Variants in EFCAB8 observed in about 807,000 individuals in gnomAD.
EFCAB8 encodes the protein EF-hand calcium binding domain 8, also known as EF-hand calcium-binding domain-containing protein 8.
A neutral mutation model predicts 116.3 loss-of-function variants in EFCAB8; 100 were observed. The ratio of observed to expected loss-of-function variants is 0.86; its 90% CI spans 0.73 to 1.02. The LOEUF (loss-of-function observed/expected upper bound fraction) is 1.02, where lower values mean the gene tolerates loss of function less well. Ranked by LOEUF, EFCAB8 falls within the 50% of genes least tolerant of loss-of-function variation. The pLI is 0.00. For missense variants in EFCAB8, 1,320 were observed against 1,416.9 expected (o/e 0.93, Z 1.10); for synonymous variants, 558 against 567.9 (o/e 0.98, Z 0.25).
chr20:32,953,508 T>G (rs1386184065), intron 23 of EFCAB8, among the ~76,000 whole-genome samples: 1 of 152,240 alleles, frequency 6.6e-6, no homozygotes, highest in Non-Finnish European at 1.5e-5. Context: ...TTTTTGTTTT[T>G]TTTGTTTGAA....
chr20:32,861,254 A>G (rs1156324273), intron 1 of EFCAB8, among the ~76,000 whole-genome samples: 1 of 152,098 alleles, frequency 6.6e-6, no homozygotes, highest in Non-Finnish European at 1.5e-5. Flanking sequence ...CATTTAAATT[A>G]CTACCCACCA....
chr20:32,896,248 C>T (rs1986149393), intron 9 of EFCAB8, among the ~76,000 whole-genome samples: 1 of 152,148 alleles, frequency 6.6e-6, no homozygotes, highest in African/African-American at 2.4e-5. Context: ...TGGGAGGCAG[C>T]AGTGATCTGC....
intron 20 of EFCAB8, among the ~76,000 whole-genome samples, chr20:32,921,747 A>G (rs1987468098): frequency 1.3e-5 from 2 of 149,182 alleles, no homozygotes; most frequent in South Asian, 4.2e-4. Flanking sequence ...ATGTCCTGCC[A>G]TATGCTTTTT....
chr20:32,909,827 A>C lies in EFCAB8; in HGVS notation c.1453A>C (p.Ile485Leu), dbSNP rs1022309552. 6 of 1,248,778 alleles carry C rather than the reference A, an allele frequency of 4.8e-6. No individual in the cohort carries two copies. In the African/African-American group the frequency reaches 9.3e-5, roughly 19 times the overall value. 77.4% of individuals were successfully genotyped at this position (1,248,778 alleles called of 1,614,324 possible). A position where few individuals can be genotyped will look rare whatever the true frequency, so the allele number is the denominator to read the frequency against. Residue 485 changes from isoleucine (I) to leucine (L), a missense_variant, in exon 15 of 27, where the codon ATC becomes CTC. Coordinates refer to ENST00000400522, the MANE Select transcript of EFCAB8 (RefSeq NM_001143967.2). ...CCCCTTTCCTCACCTACAGATCGGG[A>C]TCCTAAAAGGGTACTTAGAGGCCCA... ...TLICSTYSIG[I>L]LKGYLEAQGL...
intron 11 of EFCAB8, among the ~76,000 whole-genome samples, chr20:32,902,152 A>G (rs931255033): frequency 6.6e-6 from 1 of 152,220 alleles, no homozygotes; most frequent in African/African-American, 2.4e-5. Context: ...ATTTGGAACT[A>G]GATATAAGCA....
intron 3 of EFCAB8, among the ~76,000 whole-genome samples, chr20:32,869,981 T>C (rs1984607747): frequency 6.6e-6 from 1 of 152,168 alleles, no homozygotes; most frequent in Admixed American, 6.6e-5. Context: ...GCTTGATTTT[T>C]CCCCCTGAGA....
At chr20:32,899,219 A>T (rs1412386267) in intron 11 of EFCAB8, among the ~76,000 whole-genome samples, 1 of 146,388 alleles carries the variant, frequency 6.8e-6, no homozygotes, top group African/African-American at 2.6e-5. Context: ...CCCCGTCTCT[A>T]CTAAAAATAC....
chr20:32,957,731 A>G (rs908118741), intron 23 of EFCAB8, among the ~76,000 whole-genome samples: 1 of 151,656 alleles, frequency 6.6e-6, no homozygotes, highest in Non-Finnish European at 1.5e-5. Context: ...CTCTCTCTCT[A>G]AGCCAAGTCT....
chr20:32,924,921 T>C (rs1434661486), intron 20 of EFCAB8, among the ~76,000 whole-genome samples: 1 of 152,102 alleles, frequency 6.6e-6, no homozygotes, highest in African/African-American at 2.4e-5. Flanking sequence ...GGGTCCCTTC[T>C]CTCTGGGGCA....
At chr20:32,900,923 C>T (rs949337204) in intron 11 of EFCAB8, among the ~76,000 whole-genome samples, 10 of 152,228 alleles carry the variant, frequency 6.6e-5, no homozygotes, top group African/African-American at 1.9e-4. Context: ...AGGATGGTCT[C>T]GATCTCTTGA....
Position 32,878,728 on chromosome 20 carries a change from C to G in EFCAB8, c.352C>G (p.Arg118Gly). The change falls in exon 5 of 27, where the codon CGT becomes GGT. Residue 118 changes from arginine to glycine, a missense_variant. Coordinates refer to ENST00000400522, the MANE Select transcript of EFCAB8 (RefSeq NM_001143967.2). Reference sequence around the variant, plus strand: ...GCAAAAGTATGTGGATTACATGATGCGTGAGTTCCAGGGAAAAGAGGACAT... The same window carrying G: ...GCAAAAGTATGTGGATTACATGATGGGTGAGTTCCAGGGAAAAGAGGACAT... The part of the protein sequence containing the change: ...TWQKYVDYMM[R>G]EFQGKEDMRK... The G allele has an allele frequency of 6.4e-7, 1 of 1,551,470 alleles. No individual in the cohort carries two copies. The highest frequency in any genetic ancestry group is 8.7e-7 in the Non-Finnish European group (1 of 1,146,870).
chr20:32,888,051 A>G (rs113619711), intron 6 of EFCAB8, among the ~76,000 whole-genome samples: 5,078 of 149,078 alleles, frequency 0.034, 294 homozygotes, highest in African/African-American at 0.12. Flanking sequence ...TATCCTCTCT[A>G]CATATCCCCC....
intron 11 of EFCAB8, among the ~76,000 whole-genome samples, chr20:32,899,229 C>CAATAATAAT (rs34439877): frequency 1.4e-3 from 210 of 146,468 alleles, no homozygotes; most frequent in African/African-American, 4.9e-3. Context: ...ACTAAAAATA[C>CAATAATAAT]AATAATAATA....
intron 14 of EFCAB8, 121 bp downstream of exon 14, chr20:32,908,533 A>G (rs1291612543): frequency 8.2e-6 from 9 of 1,096,488 alleles, no homozygotes; most frequent in Non-Finnish European, 9.3e-6. Context: ...TGAAGCGGCT[A>G]GACTCTGTGG....
chr20:32,904,140 G>A (rs1219573339), intron 11 of EFCAB8, among the ~76,000 whole-genome samples: 1 of 152,018 alleles, frequency 6.6e-6, no homozygotes, highest in Non-Finnish European at 1.5e-5. Context: ...GACTGCAGGT[G>A]CACCACCATG....
chr20:32,960,243 C>T (rs1989106300), intron 26 of EFCAB8, 82 bp downstream of exon 26: 6 of 1,266,326 alleles, frequency 4.7e-6, no homozygotes, highest in Admixed American at 2.0e-5. Flanking sequence ...ACCCTTGTGC[C>T]CACACAGCCC....
chr20:32,944,294 GTC>G (rs1568944859), intron 23 of EFCAB8, among the ~76,000 whole-genome samples: 2 of 151,828 alleles, frequency 1.3e-5, no homozygotes, highest in African/African-American at 4.8e-5. Context: ...TTAGTGACCT[GTC>G]TCTACTAAAA....
chr20:32,953,970 T>A (rs1364588706), intron 23 of EFCAB8, among the ~76,000 whole-genome samples: 2 of 152,084 alleles, frequency 1.3e-5, no homozygotes, highest in Non-Finnish European at 2.9e-5. Flanking sequence ...CACACCTCTC[T>A]AATTTTTGTA....
chr20:32,904,808 G>A (rs1986599906), intron 11 of EFCAB8, among the ~76,000 whole-genome samples: 1 of 151,978 alleles, frequency 6.6e-6, no homozygotes, highest in Non-Finnish European at 1.5e-5. Flanking sequence ...TGTATTTTTA[G>A]TAGAGGCGAG....
Sources: gnomAD v4.1 joint callset for allele counts (sites outside exome capture counted in the v4.1 genomes callset) on GRCh38, gnomAD v4.1.1 for gene constraint, MANE v1.5 for transcripts, NCBI Gene and HGNC (gene_info 2026-07-23, HGNC 2026-07-21) for gene names.